The following SH3BGR variants were observed in gnomAD, a reference collection of about 807,000 sequenced individuals.
SH3BGR encodes the protein SH3 domain binding glutamate rich protein.
SH3BGR carries 29 observed loss-of-function variants against 24.5 expected under a neutral mutation model. The observed-to-expected ratio is 1.18, with a 90% CI of 0.88 to 1.61. The LOEUF (loss-of-function observed/expected upper bound fraction) is 1.61, where lower values mean the gene tolerates loss of function less well. SH3BGR is among the 40% of genes most tolerant of loss of function. The pLI is 0.00. For missense variants in SH3BGR, 162 were observed against 205.8 expected, an observed-to-expected ratio of 0.79 and a Z score of 1.30; for synonymous variants, 55 against 65.7, an observed-to-expected ratio of 0.84 and a Z score of 0.79.
rs796518649 is a variant in SH3BGR, at chr21:39,479,259, A to G, written c.312+4044A>G. 1.7e-3 allele frequency among the ~76,000 whole-genome samples: 200 copies of G among 119,338 alleles called. 1 individual carries two copies. The highest frequency in any genetic ancestry group is 7.5e-3 in the African/African-American group (173 of 23,096). 78.3% of individuals were successfully genotyped at this position (119,338 alleles called of 152,430 possible). A position where few individuals can be genotyped will look rare whatever the true frequency, so the allele number is the denominator to read the frequency against. The stretch of plus-strand genomic sequence containing the variant: ...GGTGGTGGTGGTGGTGGTGGTGGTG[A>G]TGGTAGTGCTGGTGGTGATAGTGAT... On this transcript the variant is annotated intron_variant, in intron 3 of 6. Coordinates refer to ENST00000333634, the MANE Select transcript of SH3BGR (RefSeq NM_007341.3).
intron 3 of SH3BGR, among the ~76,000 whole-genome samples, chr21:39,496,059 C>T (rs1039428017): frequency 3.9e-5 from 6 of 152,102 alleles, no homozygotes; most frequent in African/African-American, 1.2e-4. Context: ...CCATGCAATA[C>T]TGAAGCATTT....
At chr21:39,492,612 G>A (rs1219637415) in intron 3 of SH3BGR, among the ~76,000 whole-genome samples, 2 of 151,982 alleles carry the variant, frequency 1.3e-5, no homozygotes, top group African/African-American at 4.8e-5. Flanking sequence ...TTTGTATAAT[G>A]ACTTCTTTTC....
At chr21:39,473,053 G>A (rs866926785) in intron 2 of SH3BGR, among the ~76,000 whole-genome samples, 3 of 151,650 alleles carry the variant, frequency 2.0e-5, no homozygotes, top group African/African-American at 7.3e-5. Context: ...CAACTTTTAG[G>A]GCCTCTAATC....
chr21:39,459,207 C>T (rs548317307), intron 1 of SH3BGR, among the ~76,000 whole-genome samples: 17 of 151,742 alleles, frequency 1.1e-4, no homozygotes, highest in Non-Finnish European at 2.4e-4. Context: ...TACCTTCCTT[C>T]CTTCTTCCTT....
chr21:39,485,078 A>T (rs891256567), intron 3 of SH3BGR, among the ~76,000 whole-genome samples: 1 of 152,238 alleles, frequency 6.6e-6, no homozygotes, highest in Non-Finnish European at 1.5e-5. Flanking sequence ...GGACCAGACC[A>T]GTTTTCCCAA....
intron 3 of SH3BGR, among the ~76,000 whole-genome samples, chr21:39,491,100 A>G (rs533029270): frequency 2.6e-5 from 4 of 152,292 alleles, no homozygotes; most frequent in African/African-American, 9.6e-5. Context: ...TTAACAATTA[A>G]TCATTGACAT....
At chr21:39,477,304 ATTTAT>A (rs935544059) in intron 3 of SH3BGR, among the ~76,000 whole-genome samples, 4 of 151,936 alleles carry the variant, frequency 2.6e-5, no homozygotes, top group African/African-American at 9.7e-5. Context: ...ATTTTTGTTC[ATTTAT>A]TTATTTTTTA....
chr21:39,477,141 A>C (rs981983380), intron 3 of SH3BGR, among the ~76,000 whole-genome samples: 1 of 152,048 alleles, frequency 6.6e-6, no homozygotes, highest in African/African-American at 2.4e-5. Context: ...ACTCTATTAC[A>C]CTGATGTATC....
intron 6 of SH3BGR, among the ~76,000 whole-genome samples, chr21:39,512,663 A>G (rs1363309738): frequency 2.6e-5 from 4 of 152,266 alleles, no homozygotes; most frequent in South Asian, 2.1e-4. Flanking sequence ...GGGGTGGCTC[A>G]TGCCTGCGGT....
In SH3BGR at chr21:39,481,366, A is replaced by G. The variant is rs1015407406; in HGVS notation, c.312+6151A>G. 2.6e-5 allele frequency among the ~76,000 whole-genome samples: 4 copies of G among 152,212 alleles called. No homozygotes were observed. In the South Asian group the frequency reaches 8.3e-4, roughly 31 times the overall value. ...CTTAACAGATATTGCGAAGCTCCAAATGAAATTCCAGCCATTAAAAAAAGT... is the reference window on the plus strand; with the variant it reads ...CTTAACAGATATTGCGAAGCTCCAAGTGAAATTCCAGCCATTAAAAAAAGT... On this transcript the variant is annotated intron_variant, in intron 3 of 6. Transcript: ENST00000333634.
rs560826648 is a variant in SH3BGR at position 39,511,009 on chromosome 21, C to A, written c.436-671C>A. Among the ~76,000 whole-genome samples, 16 of 145,026 alleles carry A rather than the reference C, an allele frequency of 1.1e-4. No homozygotes were observed. The highest frequency in any genetic ancestry group is 4.1e-4 in the African/African-American group (16 of 39,294). Reference sequence around the variant, plus strand: ...TTTGTTAATATGAGTGGAGACTGTACACTTAGGTGGGATTATAAAACCTGT... The same window carrying A: ...TTTGTTAATATGAGTGGAGACTGTAAACTTAGGTGGGATTATAAAACCTGT... On this transcript the variant is annotated intron_variant, in intron 5 of 6. Coordinates refer to ENST00000333634, the MANE Select transcript of SH3BGR (RefSeq NM_007341.3). The surrounding 1 kb of genome is among the most constrained non-coding windows in gnomAD (Gnocchi z 4.2).
chr21:39,462,954 G>A (rs2077779377), intron 2 of SH3BGR, among the ~76,000 whole-genome samples: 1 of 152,218 alleles, frequency 6.6e-6, no homozygotes, highest in Admixed American at 6.5e-5. Flanking sequence ...TGCAATCATG[G>A]CTCACTGCAG....
At chr21:39,502,985 C>CAT (rs528777301) in intron 4 of SH3BGR, among the ~76,000 whole-genome samples, 2 of 146,382 alleles carry the variant, frequency 1.4e-5, no homozygotes, top group African/African-American at 5.0e-5. Flanking sequence ...ATTCCAAGCT[C>CAT]TTTTTTTTTT....
intron 1 of SH3BGR, among the ~76,000 whole-genome samples, chr21:39,446,801 G>A (rs2148428240): frequency 6.6e-6 from 1 of 152,188 alleles, no homozygotes; most frequent in South Asian, 2.1e-4. Flanking sequence ...GATATACGTT[G>A]CAAATATTTC....
At chr21:39,475,110 A>T (rs971009482) in intron 2 of SH3BGR, 25 bp from the exon 3 acceptor site, 3 of 1,483,274 alleles carry the variant, frequency 2.0e-6, no homozygotes, top group Middle Eastern at 1.7e-4. Context: ...CAGTAGTTTT[A>T]AACTTTCTTT....
At chr21:39,463,267 G>GAAAAC (rs2077785450) in intron 2 of SH3BGR, among the ~76,000 whole-genome samples, 1 of 152,192 alleles carries the variant, frequency 6.6e-6, no homozygotes, top group South Asian at 2.1e-4. Context: ...TAATTAGTTT[G>GAAAAC]AAAACTGTTC....
At chr21:39,484,827 A>G (rs2078184217) in intron 3 of SH3BGR, among the ~76,000 whole-genome samples, 1 of 152,244 alleles carries the variant, frequency 6.6e-6, no homozygotes, top group South Asian at 2.1e-4. Flanking sequence ...GGGACAGAGT[A>G]CTTCCAGTAT....
At chr21:39,485,602 A>C (rs2123438923) in intron 3 of SH3BGR, among the ~76,000 whole-genome samples, 2 of 152,160 alleles carry the variant, frequency 1.3e-5, no homozygotes, top group East Asian at 3.9e-4. Flanking sequence ...ATCTTGGGTT[A>C]GTCGTCTAAT....
At chr21:39,505,602 A>G (rs1228211079) in intron 4 of SH3BGR, among the ~76,000 whole-genome samples, 1 of 152,100 alleles carries the variant, frequency 6.6e-6, no homozygotes, top group East Asian at 1.9e-4. Flanking sequence ...CATCTCTACT[A>G]AAAATACAAA....
Sources: allele counts gnomAD v4.1 joint callset (sites outside exome capture counted in the v4.1 genomes callset), GRCh38; gene constraint gnomAD v4.1.1; non-coding constraint Gnocchi (gnomAD v3.1); transcripts MANE v1.5; gene names NCBI Gene and HGNC (gene_info 2026-07-23, HGNC 2026-07-21).